C1QTNF8: variants seen among roughly 807,000 people sequenced by gnomAD.
The protein encoded by C1QTNF8 is complement C1q tumor necrosis factor-related protein 8.
Under a neutral mutation model 19.2 loss-of-function variants are expected in C1QTNF8, and 27 were observed. That is an observed-to-expected ratio of 1.41 (90% confidence interval 1.04 to 1.94). The LOEUF (loss-of-function observed/expected upper bound fraction) is 1.94, where lower values mean the gene tolerates loss of function less well. Among genes scored for constraint, C1QTNF8 ranks in the 30% most tolerant of loss-of-function variants. C1QTNF8 has a pLI of 0.00. For synonymous variants in C1QTNF8, 208 were observed against 172.8 expected (o/e 1.20, Z -1.60); for missense variants, 484 against 374.4 (o/e 1.29, Z -2.42).
chr16:1,093,397 CA>C, intron 4 of C1QTNF8, 99 bp downstream of exon 4: 5 of 570,476 alleles, frequency 8.8e-6, no homozygotes, highest in South Asian at 2.3e-5. Flanking sequence ...CACCCACACC[CA>C]CCCACACACA....
At chr16:1,091,355 C>T (rs1960540227) in intron 4 of C1QTNF8, among the ~76,000 whole-genome samples, 1 of 152,086 alleles carries the variant, frequency 6.6e-6, no homozygotes, top group Admixed American at 6.5e-5. Context: ...GGCCGCGCTG[C>T]CACAAATAGC....
Position 1,093,987 on chromosome 16 carries a change from G to T in C1QTNF8, c.273C>A (p.Gly91=), listed in dbSNP as rs781675134. ...AGRSGKEGPP[G]ARGLQGRRGQ... The stretch of plus-strand genomic sequence containing the variant: ...CTCTGCGGCCCTGCAGGCCCCGGGC[G>T]CCTGGCGGCCCCTCTTTCCCGCTCC... The change falls in exon 4 of 5, where the codon GGC becomes GGA. Residue 91 remains glycine (G), a synonymous_variant. Coordinates refer to ENST00000328449, the MANE Select transcript of C1QTNF8 (RefSeq NM_207419.3). 3.4e-6 allele frequency: 5 copies of T among 1,469,826 alleles called. No homozygotes were observed. The highest frequency in any genetic ancestry group is 4.4e-6 in the Non-Finnish European group (5 of 1,126,612). 91.0% of individuals were successfully genotyped at this position (1,469,826 alleles called of 1,614,324 possible).
chr16:1,093,832 A>G lies in C1QTNF8; in HGVS notation c.428T>C (p.Val143Ala), dbSNP rs1960624089. 1 of 1,608,296 alleles carries G rather than the reference A, an allele frequency of 6.2e-7. No individual in the cohort carries two copies. The highest frequency in any genetic ancestry group is 8.5e-7 in the Non-Finnish European group (1 of 1,179,378). The part of the protein sequence containing the change: ...FQAVPFDTEL[V>A]NLDGAFDLAA... ...CAGGTCGAAGGCGCCGTCCAGGTTC[A>G]CCAGCTCCGTGTCGAAGGGCACCGC... Residue 143 changes from valine (V) to alanine (A), a missense_variant, in exon 4 of 5, where the codon GTG becomes GCG. Coordinates refer to ENST00000328449, the MANE Select transcript of C1QTNF8 (RefSeq NM_207419.3).
chr16:1,091,329 C>T (rs777303828), intron 4 of C1QTNF8, among the ~76,000 whole-genome samples: 2 of 152,126 alleles, frequency 1.3e-5, no homozygotes, highest in African/African-American at 4.8e-5. Context: ...TGATGCTGCT[C>T]CTGCCCGGGC....
chr16:1,089,402 C>T lies in C1QTNF8; in HGVS notation c.*1197G>A, dbSNP rs558361708. Among the ~76,000 whole-genome samples, 3 of 152,306 alleles carry T rather than the reference C, an allele frequency of 2.0e-5. No homozygotes were observed. Among genetic ancestry groups the T allele is most frequent in the African/African-American group, 4.8e-5 (2 of 41,568 alleles). ...CCCCTGGAGCCGTGCAGCTGTCCTC[C>T]GGGGCCTGGACACCAAGGGCTCGGC... On this transcript the variant is annotated 3_prime_UTR_variant, in exon 5 of 5. Coordinates refer to ENST00000328449, the MANE Select transcript of C1QTNF8 (RefSeq NM_207419.3).
chr16:1,096,287 T>C (rs1960685890), upstream of C1QTNF8: 1 of 152,136 alleles, frequency 6.6e-6, no homozygotes, highest in South Asian at 2.1e-4. Flanking sequence ...CGCCGAGCCC[T>C]GGACAGGATC....
rs912870316 is a variant in C1QTNF8, at chr16:1,089,344, C to T, written c.*1255G>A. On this transcript the variant is annotated 3_prime_UTR_variant, in exon 5 of 5. Transcript: ENST00000328449. ...AAGCACCTGCCACACTTGACCCCAA[C>T]AGGCTCCTCCTGGGGATCCCCCCAA... is the stretch of plus-strand genomic sequence containing the variant. Among the ~76,000 whole-genome samples the T allele has an allele frequency of 1.3e-5, 2 of 152,152 alleles. No individual in the cohort carries two copies. The highest frequency in any genetic ancestry group is 4.8e-5 in the African/African-American group (2 of 41,418).
chr16:1,091,911 T>C (rs1160962372), intron 4 of C1QTNF8, among the ~76,000 whole-genome samples: 1 of 149,134 alleles, frequency 6.7e-6, no homozygotes, highest in Non-Finnish European at 1.5e-5. Context: ...CTTCCACCCT[T>C]TTGGCCTCCC....
chr16:1,095,359 G>A (rs879631376), intron 2 of C1QTNF8, among the ~76,000 whole-genome samples: 1 of 152,180 alleles, frequency 6.6e-6, no homozygotes, highest in South Asian at 2.1e-4. Flanking sequence ...GGCCTGGGGT[G>A]GGGGGCCCTG....
intron 4 of C1QTNF8, among the ~76,000 whole-genome samples, chr16:1,091,851 C>A (rs1960551102): frequency 6.9e-6 from 1 of 145,728 alleles, no homozygotes; most frequent in Non-Finnish European, 1.5e-5. Flanking sequence ...ACCCTCCCGG[C>A]CACCGTGAGT....
intron 4 of C1QTNF8, among the ~76,000 whole-genome samples, chr16:1,092,474 AGCACACAGTCGGCACTCAACCAATCCCT>A (rs1960569559): frequency 3.5e-5 from 4 of 114,268 alleles, no homozygotes; most frequent in Non-Finnish European, 5.3e-5. Context: ...AACCAATCAC[AGCACACAGTCGGCACTCAACCAATCCCT>A]GCACACAGTC....
intron 4 of C1QTNF8, among the ~76,000 whole-genome samples, chr16:1,090,955 G>A (rs1174390660): frequency 6.6e-6 from 1 of 152,210 alleles, no homozygotes; most frequent in Non-Finnish European, 1.5e-5. Flanking sequence ...GCCCCACCCT[G>A]CAGGGTGCAC....
chr16:1,095,109 G>A (rs972495959), intron 2 of C1QTNF8, among the ~76,000 whole-genome samples, 176 bp from the exon 3 acceptor site: 5 of 152,222 alleles, frequency 3.3e-5, no homozygotes, highest in Admixed American at 3.3e-4. Context: ...AGGCTCAGGG[G>A]CTGCTACACT....
rs1267046013 is a variant in C1QTNF8 at position 1,089,166 on chromosome 16, C to G, written c.*1433G>C. ...TCCCCAGCACAGAACAGGCAGCCTG[C>G]GAGAGGAGATGTCCTCCCTGGCCCT... On this transcript the variant is annotated 3_prime_UTR_variant, in exon 5 of 5. Transcript: ENST00000328449. Among the ~76,000 whole-genome samples the G allele has an allele frequency of 6.6e-6, 1 of 152,252 alleles. No homozygotes were observed. The highest frequency in any genetic ancestry group is 1.9e-4 in the East Asian group (1 of 5,176).
rs1567392805 is a variant in C1QTNF8 at position 1,093,484 on chromosome 16, C to CG, written c.*4+12dup. The CG allele has an allele frequency of 1.1e-5, 16 of 1,491,104 alleles. No homozygotes were observed. The highest frequency in any genetic ancestry group is 1.4e-5 in the Non-Finnish European group (16 of 1,120,412). The allele number at this position is 1,491,104 out of a possible 1,614,324, so 92.4% of individuals were successfully genotyped here. ...CGCGCGCGCGCCCGGTGCTCAGCCG[C>CG]GGGGCCCCTCACCCGGCTACAGCTC... On this transcript the variant is annotated intron_variant, in intron 4 of 4. Transcript: ENST00000328449.
rs754191236 is a variant in C1QTNF8 at position 1,093,587 on chromosome 16, C to G, written c.673G>C (p.Asp225His). ...DAVWVRMFQR[D>H]RDNAIYGEHG... ...TCGCCGTAGATGGCGTTGTCCCGGT[C>G]GCGCTGGAACATGCGCACCCAGACG... The change falls in exon 4 of 5, where the codon GAC (aspartate) becomes CAC (histidine). Residue 225 changes from aspartate to histidine, a missense_variant. Physicochemically the swap from Asp to His is moderately conservative, Grantham distance 81. Transcript: ENST00000328449. 8.1e-6 allele frequency: 13 copies of G among 1,600,056 alleles called. No individual in the cohort carries two copies. In the South Asian group the frequency reaches 1.3e-4, roughly 16 times the overall value.
rs1295222011 is a variant in C1QTNF8, at chr16:1,090,268, G to C, written c.*331C>G. 1.3e-5 allele frequency: 2 copies of C among 152,806 alleles called. No homozygotes were observed. Among genetic ancestry groups the C allele is most frequent in the Non-Finnish European group, 2.9e-5 (2 of 68,504 alleles). 9.5% of individuals were successfully genotyped at this position (152,806 alleles called of 1,614,324 possible). On this transcript the variant is annotated 3_prime_UTR_variant, in exon 5 of 5. Coordinates refer to ENST00000328449, the MANE Select transcript of C1QTNF8 (RefSeq NM_207419.3). Reference sequence around the variant, plus strand: ...AAAGAGGTGGATGCCGGGCGACTTGGGAGGCAGCAGGCTTGGGCAGTGGGT... The same window carrying C: ...AAAGAGGTGGATGCCGGGCGACTTGCGAGGCAGCAGGCTTGGGCAGTGGGT...
chr16:1,089,403 G>A lies in C1QTNF8; in HGVS notation c.*1196C>T, dbSNP rs1282584978. Reference sequence around the variant, plus strand: ...CCCTGGAGCCGTGCAGCTGTCCTCCGGGGCCTGGACACCAAGGGCTCGGCT... The same window carrying A: ...CCCTGGAGCCGTGCAGCTGTCCTCCAGGGCCTGGACACCAAGGGCTCGGCT... On this transcript the variant is annotated 3_prime_UTR_variant, in exon 5 of 5. Transcript: ENST00000328449. Among the ~76,000 whole-genome samples, 7 of 152,130 alleles carry A rather than the reference G, an allele frequency of 4.6e-5. No individual in the cohort carries two copies. Among genetic ancestry groups the A allele is most frequent in the Non-Finnish European group, 8.8e-5 (6 of 68,004 alleles).
chr16:1,093,124 C>T (rs1960589937), intron 4 of C1QTNF8, among the ~76,000 whole-genome samples: 1 of 146,112 alleles, frequency 6.8e-6, no homozygotes, highest in Non-Finnish European at 1.5e-5. Context: ...TCCCTGCACA[C>T]AGTCGGTGCT....
Sources: gnomAD v4.1 joint callset for allele counts (sites outside exome capture counted in the v4.1 genomes callset) on GRCh38, gnomAD v4.1.1 for gene constraint, MANE v1.5 for transcripts, NCBI Gene and HGNC (gene_info 2026-07-23, HGNC 2026-07-21) for gene names.